Variants in CSMD1 observed in about 807,000 individuals in gnomAD.
The protein encoded by CSMD1 is CUB and Sushi multiple domains 1.
CSMD1 carries 213 observed loss-of-function variants against 417.5 expected under a neutral mutation model. The ratio of observed to expected loss-of-function variants is 0.51; its 90% confidence interval spans 0.46 to 0.57. CSMD1 has a LOEUF of 0.57. Ranked by LOEUF, CSMD1 falls within the 20% of genes least tolerant of loss-of-function variation. The pLI is 0.00. For missense variants in CSMD1, 6,923 were observed against 4,529.7 expected (o/e 1.53, Z -15.17); for synonymous variants, 2,862 against 1,736.8 (o/e 1.65, Z -16.11).
At chr8:3,296,320 T>C (rs776140149) in intron 25 of CSMD1, among the ~76,000 whole-genome samples, 4 of 151,576 alleles carry the variant, frequency 2.6e-5, no homozygotes, top group African/African-American at 9.7e-5. Flanking sequence ...CCGTCCGCAT[T>C]TGAGGACAGC....
At chr8:4,272,083 C>G (rs887479813) in intron 3 of CSMD1, among the ~76,000 whole-genome samples, 57 of 152,078 alleles carry the variant, frequency 3.7e-4, no homozygotes, top group African/African-American at 1.4e-3. Context: ...CACTGTTCAA[C>G]TATCAACTGT....
chr8:4,404,128 G>A (rs1804847275), intron 3 of CSMD1, among the ~76,000 whole-genome samples: 2 of 152,084 alleles, frequency 1.3e-5, no homozygotes, highest in East Asian at 1.9e-4. Context: ...CCACGCGAGT[G>A]TTTATCTTTT....
chr8:3,462,602 A>T (rs1234609636), intron 12 of CSMD1, among the ~76,000 whole-genome samples: 1 of 152,156 alleles, frequency 6.6e-6, no homozygotes, highest in Non-Finnish European at 1.5e-5. Context: ...CAGGAAAACA[A>T]GCTCAGGGCT....
intron 2 of CSMD1, among the ~76,000 whole-genome samples, chr8:4,587,829 C>A (rs555181500): frequency 6.6e-6 from 1 of 152,118 alleles, no homozygotes; most frequent in African/African-American, 2.4e-5. Context: ...TTTGCCTTTC[C>A]ACAACTCTGT....
chr8:4,352,078 C>G (rs77883329), intron 3 of CSMD1, among the ~76,000 whole-genome samples: 2,496 of 151,958 alleles, frequency 0.016, 62 homozygotes, highest in African/African-American at 0.057. Flanking sequence ...GTTAGCCACT[C>G]TCCTTCTACT....
At position 3,969,494 on chromosome 8, in the gene CSMD1, C is replaced by T. The variant is rs143660333; in HGVS notation, c.818+28409G>A. On this transcript the variant is annotated intron_variant, in intron 5 of 69. Coordinates refer to ENST00000635120, the MANE Select transcript of CSMD1 (RefSeq NM_033225.6). The stretch of plus-strand genomic sequence containing the variant: ...GTCTATAAGTTTGTGTTTTTTTTCC[C>T]CTTTCCCTTGTACAAGTTATTTAAC... Among the ~76,000 whole-genome samples, 112 of 152,078 alleles carry T rather than the reference C, an allele frequency of 7.4e-4. 1 individual carries two copies. The highest frequency in any genetic ancestry group is 2.7e-3 in the African/African-American group (110 of 41,484).
At chr8:4,823,923 G>C (rs561536274) in intron 1 of CSMD1, among the ~76,000 whole-genome samples, 2 of 151,884 alleles carry the variant, frequency 1.3e-5, no homozygotes, top group Non-Finnish European at 2.9e-5. Flanking sequence ...AAAGAGGAAA[G>C]AGCATTCTAA....
chr8:3,120,834 A>G lies in CSMD1; in HGVS notation c.6242-2247T>C, dbSNP rs572681996. 4.6e-5 allele frequency among the ~76,000 whole-genome samples: 7 copies of G among 152,246 alleles called. 1 individual carries two copies. In the South Asian group the frequency reaches 1.4e-3, roughly 32 times the overall value. On this transcript the variant is annotated intron_variant, in intron 41 of 69. Coordinates refer to ENST00000635120, the MANE Select transcript of CSMD1 (RefSeq NM_033225.6). Reference sequence around the variant, plus strand: ...TGCACTCCAGCCTGGCGACACAGTGAGACTCCATCACAAATAAATAAATAA... The same window carrying G: ...TGCACTCCAGCCTGGCGACACAGTGGGACTCCATCACAAATAAATAAATAA...
intron 1 of CSMD1, among the ~76,000 whole-genome samples, chr8:4,904,679 G>C (rs564635044): frequency 1.3e-5 from 2 of 152,226 alleles, no homozygotes; most frequent in South Asian, 2.1e-4. Flanking sequence ...TCCTTGTTAA[G>C]TACTGGGGAA....
chr8:3,192,069 G>C (rs531889750), intron 33 of CSMD1, among the ~76,000 whole-genome samples: 27 of 152,292 alleles, frequency 1.8e-4, no homozygotes, highest in Admixed American at 1.4e-3. Flanking sequence ...TGGGGAAGCA[G>C]TTCCATGAAA....
At chr8:3,723,344 G>A (rs4990838) in intron 6 of CSMD1, among the ~76,000 whole-genome samples, 109,275 of 151,962 alleles carry the variant, frequency 0.72, 39,914 homozygotes, top group South Asian at 0.85. Flanking sequence ...GGTCAGGGCC[G>A]CTGAGCACCA....
chr8:3,678,592 A>T (rs1162077731), intron 7 of CSMD1, among the ~76,000 whole-genome samples: 1 of 152,210 alleles, frequency 6.6e-6, no homozygotes, highest in Non-Finnish European at 1.5e-5. Flanking sequence ...GGGAGAATGG[A>T]AACAAGTTGG....
At position 4,525,419 on chromosome 8, in the gene CSMD1, G is replaced by T. The variant is rs147955009; in HGVS notation, c.303-105354C>A. On this transcript the variant is annotated intron_variant, in intron 2 of 69. Transcript: ENST00000635120. ...CCACCAACTGTCATTCCCAACAATGGGAATGCTCTACTTTAACCATGAGCT... is the reference window on the plus strand; with the variant it reads ...CCACCAACTGTCATTCCCAACAATGTGAATGCTCTACTTTAACCATGAGCT... Among the ~76,000 whole-genome samples the T allele has an allele frequency of 5.3e-4, 81 of 152,194 alleles. 1 individual carries two copies. In the East Asian group the frequency reaches 0.014, roughly 27 times the overall value.
At chr8:4,445,295 T>G (rs1397360032) in intron 2 of CSMD1, among the ~76,000 whole-genome samples, 3 of 152,202 alleles carry the variant, frequency 2.0e-5, no homozygotes, top group African/African-American at 7.2e-5. Flanking sequence ...ATTCCGTTAG[T>G]TATATCTGCC....
At chr8:3,553,204 T>G (rs867050740) in intron 10 of CSMD1, among the ~76,000 whole-genome samples, 2 of 152,138 alleles carry the variant, frequency 1.3e-5, no homozygotes, top group Non-Finnish European at 2.9e-5. Flanking sequence ...GTAATATCAC[T>G]TCATGGATTT....
chr8:4,666,463 A>G (rs1434897001), intron 1 of CSMD1, among the ~76,000 whole-genome samples: 1 of 152,288 alleles, frequency 6.6e-6, no homozygotes, highest in East Asian at 1.9e-4. Context: ...GGCAGCCTCT[A>G]GAAGCTGTGA....
At chr8:3,216,935 T>C (rs549590929) in intron 29 of CSMD1, among the ~76,000 whole-genome samples, 4 of 152,364 alleles carry the variant, frequency 2.6e-5, no homozygotes, top group African/African-American at 7.2e-5. Context: ...ATGACATCAC[T>C]GCACCAGGCT....
chr8:3,809,873 A>C (rs1459086394), intron 5 of CSMD1, among the ~76,000 whole-genome samples: 1 of 152,102 alleles, frequency 6.6e-6, no homozygotes, highest in Non-Finnish European at 1.5e-5. Context: ...CGTCAATATC[A>C]CCCGTTACGT....
At chr8:4,816,020 A>T (rs1169610198) in intron 1 of CSMD1, among the ~76,000 whole-genome samples, 1 of 152,148 alleles carries the variant, frequency 6.6e-6, no homozygotes, top group African/African-American at 2.4e-5. Context: ...GCTATTAAGG[A>T]AAGCAGGTGC....
Sources: allele counts gnomAD v4.1 joint callset (sites outside exome capture counted in the v4.1 genomes callset), GRCh38; gene constraint gnomAD v4.1.1; transcripts MANE v1.5; gene names NCBI Gene and HGNC (gene_info 2026-07-23, HGNC 2026-07-21).